Variants in PRLR observed in about 807,000 individuals in gnomAD.
The protein encoded by PRLR is prolactin receptor, also known as hPRL receptor.
In PRLR, 13 loss-of-function variants were observed where a neutral mutation model predicts 40.2. That is an observed-to-expected ratio of 0.32 (90% confidence interval 0.21 to 0.51). The LOEUF (loss-of-function observed/expected upper bound fraction) is 0.51. Among genes scored for constraint, PRLR ranks in the 20% least tolerant of loss-of-function variants. The pLI is 0.97. For synonymous variants in PRLR, 269 were observed against 278.7 expected, an observed-to-expected ratio of 0.97 and a Z score of 0.35; for missense variants, 656 against 747.3, an observed-to-expected ratio of 0.88 and a Z score of 1.42.
intron 1 of PRLR, among the ~76,000 whole-genome samples, chr5:35,190,597 A>G (rs1411332091): frequency 2.0e-5 from 3 of 147,042 alleles, no homozygotes; most frequent in African/African-American, 7.5e-5. Context: ...TGGGTGACAG[A>G]CTGAGACTTT....
rs1224360780 is a variant in PRLR at position 35,102,502 on chromosome 5, T to TCTCCACTCCTCTCCC, written c.-43-12840_-43-12839insGGGAGAGGAGTGGAG. 4.0e-3 allele frequency among the ~76,000 whole-genome samples: 415 copies of TCTCCACTCCTCTCCC among 103,186 alleles called. 3 individuals carry two copies. The highest frequency in any genetic ancestry group is 0.014 in the African/African-American group (362 of 25,252). The allele number at this position is 103,186 out of a possible 152,430, so 67.7% of individuals were successfully genotyped here. A position where few individuals can be genotyped will look rare whatever the true frequency, so the allele number is the denominator to read the frequency against. On this transcript the variant is annotated intron_variant, in intron 2 of 9. Transcript: ENST00000618457. ...TCCCGTCCCGTCTCCTCTCCACTCC[T>TCTCCACTCCTCTCCC]CTCCTCTCCTCTCCTCTCCTCTCCT...
chr5:35,050,142 G>A (rs866802420), intron 8 of PRLR, among the ~76,000 whole-genome samples: 4 of 151,984 alleles, frequency 2.6e-5, no homozygotes, highest in East Asian at 1.9e-4. Context: ...CAGGTGATCC[G>A]CCCGCCTTGG....
intron 2 of PRLR, among the ~76,000 whole-genome samples, chr5:35,099,587 G>C (rs1011398022): frequency 3.3e-5 from 5 of 152,252 alleles, no homozygotes; most frequent in African/African-American, 1.2e-4. Context: ...TCCTTCAGGA[G>C]GTATTCCAGA....
intron 1 of PRLR, among the ~76,000 whole-genome samples, chr5:35,188,425 G>A (rs527828266): frequency 1.8e-4 from 27 of 152,308 alleles, no homozygotes; most frequent in East Asian, 7.7e-4. Context: ...AAAGCTTAGC[G>A]TGAAGGCTCT....
chr5:35,185,918 C>T (rs2111990999), intron 1 of PRLR, among the ~76,000 whole-genome samples: 1 of 152,244 alleles, frequency 6.6e-6, no homozygotes, highest in African/African-American at 2.4e-5. Flanking sequence ...TATTAGTGTT[C>T]TCTGATTCGT....
chr5:35,127,827 G>A (rs1454270852), intron 1 of PRLR, among the ~76,000 whole-genome samples: 1 of 152,208 alleles, frequency 6.6e-6, no homozygotes, highest in Non-Finnish European at 1.5e-5. Flanking sequence ...GAAGGTGGAT[G>A]AGTGGTTGCC....
In PRLR at chr5:35,065,286, G is replaced by C. The variant is rs763526421; in HGVS notation, c.1672C>G (p.Leu558Val). Reference sequence around the variant, plus strand: ...GCATGTGGATCTGGCACCAACACCAGGATGTTGTTATCCATGACCCCGGAC... The same window carrying C: ...GCATGTGGATCTGGCACCAACACCACGATGTTGTTATCCATGACCCCGGAC... The part of the protein sequence containing the change: ...KVSGVMDNNI[L>V]VLVPDPHAKN... Residue 558 changes from leucine (L) to valine (V), a missense_variant, in exon 10 of 10, where the codon CTG (leucine) becomes GTG (valine). By Grantham distance (32) the Leu-to-Val change is conservative. Around this residue, in one of 3 missense-constraint regions of PRLR, gnomAD observed 469 missense variants for 491.5 expected, o/e 0.95. Coordinates refer to ENST00000618457, the MANE Select transcript of PRLR (RefSeq NM_000949.7). The C allele has an allele frequency of 1.9e-6, 3 of 1,614,094 alleles. No individual in the cohort carries two copies. Among genetic ancestry groups the C allele is most frequent in the Non-Finnish European group, 2.5e-6 (3 of 1,179,992 alleles).
At chr5:35,196,197 T>C (rs1343552352) in intron 1 of PRLR, among the ~76,000 whole-genome samples, 1 of 152,166 alleles carries the variant, frequency 6.6e-6, no homozygotes, top group African/African-American at 2.4e-5. Context: ...CTGCACTCCA[T>C]GAAAGGCCAA....
chr5:35,111,384 G>T (rs1431065802), intron 2 of PRLR, among the ~76,000 whole-genome samples: 2 of 152,156 alleles, frequency 1.3e-5, no homozygotes, highest in African/African-American at 2.4e-5. Context: ...CTGCTAGATG[G>T]TAGAGGTGGG....
chr5:35,087,613 T>C (rs1264957843), intron 3 of PRLR, among the ~76,000 whole-genome samples: 1 of 152,042 alleles, frequency 6.6e-6, no homozygotes, highest in Non-Finnish European at 1.5e-5. Context: ...CCTCTCCTGG[T>C]TCTGAGCAAC....
intron 1 of PRLR, among the ~76,000 whole-genome samples, chr5:35,222,360 G>T (rs183349807): frequency 4.6e-5 from 7 of 151,902 alleles, no homozygotes; most frequent in African/African-American, 2.4e-5. Context: ...TTTTTCAGGG[G>T]TGTAGCAAAA....
intron 1 of PRLR, among the ~76,000 whole-genome samples, chr5:35,155,450 T>C (rs189065809): frequency 1.1e-3 from 169 of 151,998 alleles, no homozygotes; most frequent in Middle Eastern, 6.8e-3. Context: ...TTTGATCACA[T>C]AAGCCACAGC....
intron 1 of PRLR, among the ~76,000 whole-genome samples, chr5:35,146,055 T>G (rs1048096159): frequency 6.6e-6 from 1 of 152,218 alleles, no homozygotes; most frequent in Non-Finnish European, 1.5e-5. Flanking sequence ...TAAATCCTAG[T>G]ACAACTTCAT....
At chr5:35,051,027 A>G (rs571740831), downstream of PRLR, among the ~76,000 whole-genome samples, 1 of 152,346 alleles carries the variant, frequency 6.6e-6, no homozygotes, top group Admixed American at 6.5e-5. Context: ...TTAGAATTTC[A>G]TGGAAAACTG....
chr5:35,159,187 G>A (rs1383265922), intron 1 of PRLR, among the ~76,000 whole-genome samples: 1 of 151,998 alleles, frequency 6.6e-6, no homozygotes, highest in Non-Finnish European at 1.5e-5. Context: ...CACACTCATA[G>A]CCCCTCATTC....
chr5:35,206,882 T>C (rs998365065), intron 1 of PRLR, among the ~76,000 whole-genome samples: 1 of 152,108 alleles, frequency 6.6e-6, no homozygotes, highest in Admixed American at 6.5e-5. Context: ...CTGTCATAAC[T>C]GATGTAAAAT....
chr5:35,084,180 C>A (rs905562920), intron 5 of PRLR, among the ~76,000 whole-genome samples: 1 of 152,044 alleles, frequency 6.6e-6, no homozygotes, highest in African/African-American at 2.4e-5. Flanking sequence ...AAGGGCAGGG[C>A]AAGAAAGAAG....
At chr5:35,110,701 C>T (rs1772604774) in intron 2 of PRLR, among the ~76,000 whole-genome samples, 1 of 152,198 alleles carries the variant, frequency 6.6e-6, no homozygotes, top group Non-Finnish European at 1.5e-5. Flanking sequence ...TTAGCCTTCC[C>T]ACCATGTGGC....
rs1769021065 is a variant in PRLR, at chr5:35,061,223, T to A, written c.*3866A>T. On this transcript the variant is annotated 3_prime_UTR_variant, in exon 10 of 10. Coordinates refer to ENST00000618457, the MANE Select transcript of PRLR (RefSeq NM_000949.7). Reference sequence around the variant, plus strand: ...TAAAAAAAAATAGAGGAAGGCACTTTGTAAAATGTGCACAAATCTGTTTCT... The same window carrying A: ...TAAAAAAAAATAGAGGAAGGCACTTAGTAAAATGTGCACAAATCTGTTTCT... 6.6e-6 allele frequency: 1 copy of A among 152,152 alleles called. No homozygotes were observed. Among genetic ancestry groups the A allele is most frequent in the Non-Finnish European group, 1.5e-5 (1 of 68,026 alleles). 9.4% of individuals were successfully genotyped at this position (152,152 alleles called of 1,614,324 possible). A position where few individuals can be genotyped will look rare whatever the true frequency, so the allele number is the denominator to read the frequency against.
Sources: allele counts gnomAD v4.1 joint callset (sites outside exome capture counted in the v4.1 genomes callset), GRCh38; gene constraint gnomAD v4.1.1; regional missense constraint gnomAD v4.1.1; transcripts MANE v1.5; gene names NCBI Gene and HGNC (gene_info 2026-07-23, HGNC 2026-07-21).